The following THSD7B variants were observed in gnomAD, a reference collection of about 807,000 sequenced individuals.
THSD7B encodes the protein thrombospondin type-1 domain-containing protein 7B.
In THSD7B, 138 loss-of-function variants were observed where a neutral mutation model predicts 213.6. The ratio of observed to expected loss-of-function variants is 0.65; its 90% CI spans 0.56 to 0.74. The LOEUF (loss-of-function observed/expected upper bound fraction) is 0.74, where lower values mean the gene tolerates loss of function less well. Ranked by LOEUF, THSD7B falls within the 30% of genes least tolerant of loss-of-function variation. The pLI is 0.00. For synonymous variants in THSD7B, 742 were observed against 687.0 expected, an observed-to-expected ratio of 1.08 and a Z score of -1.25; for missense variants, 1,931 against 1,991.5, an observed-to-expected ratio of 0.97 and a Z score of 0.58.
intron 4 of THSD7B, among the ~76,000 whole-genome samples, chr2:137,113,944 C>T (rs1688399086): frequency 1.3e-5 from 2 of 152,186 alleles, no homozygotes; most frequent in Admixed American, 1.3e-4. Context: ...TTTCACAAGA[C>T]TAATGATTCT....
At chr2:137,068,158 A>G (rs1248459549) in intron 3 of THSD7B, among the ~76,000 whole-genome samples, 5 of 152,130 alleles carry the variant, frequency 3.3e-5, no homozygotes, top group Non-Finnish European at 4.4e-5. Context: ...AAGAAGGGTT[A>G]TTGATTTTCA....
At chr2:137,035,114 T>C (rs150863183) in intron 2 of THSD7B, among the ~76,000 whole-genome samples, 1 of 152,212 alleles carries the variant, frequency 6.6e-6, no homozygotes, top group African/African-American at 2.4e-5. Context: ...CTGATGCTAA[T>C]TGGTCTCAGA....
chr2:136,954,124 G>A (rs112889986), intron 2 of THSD7B, among the ~76,000 whole-genome samples: 2 of 152,208 alleles, frequency 1.3e-5, no homozygotes, highest in African/African-American at 2.4e-5. Flanking sequence ...TGCAATAATC[G>A]GTTGTTTTAA....
intron 12 of THSD7B, among the ~76,000 whole-genome samples, chr2:137,278,868 A>G (rs1682933494): frequency 6.6e-6 from 1 of 152,196 alleles, no homozygotes; most frequent in Non-Finnish European, 1.5e-5. Flanking sequence ...CAGGAAATAC[A>G]AAGTGTTGTA....
At chr2:137,448,204 C>G (rs771091557) in intron 14 of THSD7B, among the ~76,000 whole-genome samples, 1 of 152,146 alleles carries the variant, frequency 6.6e-6, no homozygotes, top group Non-Finnish European at 1.5e-5. Flanking sequence ...TTTTCTTCAT[C>G]TCTGCTTGGC....
intron 1 of THSD7B, among the ~76,000 whole-genome samples, chr2:136,845,722 T>G (rs1375784196): frequency 6.6e-6 from 1 of 151,958 alleles, no homozygotes; most frequent in Non-Finnish European, 1.5e-5. Flanking sequence ...AGGAGAGGAG[T>G]GGCGGTAGTA....
chr2:137,474,226 T>C (rs931173709), intron 15 of THSD7B, among the ~76,000 whole-genome samples: 1 of 152,232 alleles, frequency 6.6e-6, no homozygotes, highest in African/African-American at 2.4e-5. Flanking sequence ...GATGTTTGGT[T>C]ACTATAGTTT....
chr2:137,455,372 CA>C (rs1687743241), intron 15 of THSD7B, among the ~76,000 whole-genome samples: 1 of 152,092 alleles, frequency 6.6e-6, no homozygotes, highest in Non-Finnish European at 1.5e-5. Flanking sequence ...TATCATTGCC[CA>C]AAAAGTCTTT....
intron 1 of THSD7B, among the ~76,000 whole-genome samples, chr2:136,818,598 A>G (rs1462133589): frequency 1.3e-5 from 2 of 152,192 alleles, no homozygotes; most frequent in African/African-American, 4.8e-5. Context: ...AGAGTGCTGA[A>G]TTATGTTCAG....
intron 2 of THSD7B, among the ~76,000 whole-genome samples, chr2:136,949,638 G>A (rs900256347): frequency 1.3e-5 from 2 of 152,172 alleles, no homozygotes; most frequent in Admixed American, 6.5e-5. Context: ...TACAGACCAG[G>A]AGTTCTCAAT....
intron 2 of THSD7B, among the ~76,000 whole-genome samples, chr2:136,987,788 CA>C (rs1400891195): frequency 1.3e-5 from 2 of 152,032 alleles, no homozygotes; most frequent in East Asian, 3.9e-4. Flanking sequence ...TTCCATTTGA[CA>C]AAAAGGATGA....
At chr2:136,977,764 G>T (rs1189636505) in intron 2 of THSD7B, among the ~76,000 whole-genome samples, 1 of 148,208 alleles carries the variant, frequency 6.7e-6, no homozygotes, top group Non-Finnish European at 1.5e-5. Context: ...CCATGTAGTT[G>T]TGTGGTTTTG....
intron 12 of THSD7B, among the ~76,000 whole-genome samples, chr2:137,372,782 G>C (rs1471943349): frequency 6.6e-6 from 1 of 151,816 alleles, no homozygotes; most frequent in South Asian, 2.1e-4. Flanking sequence ...GTGCCATGCT[G>C]GTGTGCTGCA....
chr2:137,272,455 T>C, intron 10 of THSD7B, 78 bp from the exon 11 acceptor site: 1 of 1,424,202 alleles, frequency 7.0e-7, no homozygotes, highest in East Asian at 2.5e-5. Flanking sequence ...CTCTCTCTTT[T>C]TTTTCAATTG....
intron 1 of THSD7B, among the ~76,000 whole-genome samples, chr2:136,863,790 A>G (rs1447951331): frequency 6.6e-6 from 1 of 152,196 alleles, no homozygotes; most frequent in Admixed American, 6.5e-5. Flanking sequence ...TTGAGCTTCA[A>G]CAAAAACAAA....
chr2:137,412,025 GA>G, intron 14 of THSD7B, 153 bp downstream of exon 14: 1 of 852,268 alleles, frequency 1.2e-6, no homozygotes, highest in Non-Finnish European at 1.8e-6. Context: ...ATGGACAGAT[GA>G]AATGCATACA....
intron 1 of THSD7B, 120 bp from the exon 2 acceptor site, chr2:136,882,024 C>T: frequency 1.6e-6 from 1 of 623,792 alleles, no homozygotes; most frequent in Non-Finnish European, 2.4e-6. Context: ...ATTATATGTA[C>T]TATCTTCATG....
intron 20 of THSD7B, 32 bp from the exon 21 acceptor site, chr2:137,642,456 C>G (rs1682957006): frequency 6.2e-7 from 1 of 1,610,782 alleles, no homozygotes; most frequent in Non-Finnish European, 8.5e-7. Flanking sequence ...GCCAAACTAA[C>G]TGAAAAGCTG....
intron 2 of THSD7B, among the ~76,000 whole-genome samples, chr2:136,972,355 C>T (rs968679364): frequency 6.6e-6 from 1 of 152,034 alleles, no homozygotes; most frequent in African/African-American, 2.4e-5. Flanking sequence ...GAGATAAAAG[C>T]AAAAGCAGTT....
Sources: gnomAD v4.1 joint callset for allele counts (sites outside exome capture counted in the v4.1 genomes callset) on GRCh38, gnomAD v4.1.1 for gene constraint, MANE v1.5 for transcripts, NCBI Gene and HGNC (gene_info 2026-07-23, HGNC 2026-07-21) for gene names.